The following PBX1 variants were observed in gnomAD, a reference collection of about 807,000 sequenced individuals.
The protein encoded by PBX1 is pre-B-cell leukemia transcription factor 1.
PBX1 carries 6 observed loss-of-function variants against 53.4 expected under a neutral mutation model. That is an observed-to-expected ratio of 0.11 (90% CI 0.06 to 0.22). The LOEUF (loss-of-function observed/expected upper bound fraction) is 0.22, where lower values mean the gene tolerates loss of function less well. Ranked by LOEUF, PBX1 falls within the 10% of genes least tolerant of loss-of-function variation. The pLI, the probability that PBX1 is intolerant of heterozygous loss-of-function variation, is 1.00. For synonymous variants in PBX1, 204 were observed against 212.3 expected, an observed-to-expected ratio of 0.96 and a Z score of 0.34; for missense variants, 251 against 551.4, an observed-to-expected ratio of 0.46 and a Z score of 5.46.
At chr1:164,858,139 C>T (rs767727540) in intron 2 of PBX1, among the ~76,000 whole-genome samples, 10 of 152,084 alleles carry the variant, frequency 6.6e-5, no homozygotes, top group Non-Finnish European at 1.2e-4. Flanking sequence ...CCAGCTCAAT[C>T]AGTGTGCTTG....
chr1:164,715,390 C>G (rs1286450543), intron 2 of PBX1, among the ~76,000 whole-genome samples: 1 of 152,068 alleles, frequency 6.6e-6, no homozygotes, highest in African/African-American at 2.4e-5. Context: ...GTTGGTTGTT[C>G]ATGAAGACCT....
intron 4 of PBX1, among the ~76,000 whole-genome samples, chr1:164,805,355 C>G (rs1242899902): frequency 6.6e-6 from 1 of 152,060 alleles, no homozygotes; most frequent in Admixed American, 6.5e-5. Flanking sequence ...AATCCTGATC[C>G]TAGGATTTCA....
intron 2 of PBX1, among the ~76,000 whole-genome samples, chr1:164,690,269 G>A (rs1370727525): frequency 6.8e-6 from 1 of 147,894 alleles, no homozygotes; most frequent in Admixed American, 6.7e-5. Flanking sequence ...AAAGAAAGCG[G>A]ATCAGACAGA....
intron 2 of PBX1, among the ~76,000 whole-genome samples, chr1:164,700,136 T>A (rs1383047213): frequency 6.6e-6 from 1 of 152,208 alleles, no homozygotes; most frequent in African/African-American, 2.4e-5. Flanking sequence ...GCATGCTGAT[T>A]TCCCTTTGTG....
chr1:164,701,151 CT>C (rs1663098207), intron 2 of PBX1, among the ~76,000 whole-genome samples: 1 of 151,958 alleles, frequency 6.6e-6, no homozygotes, highest in Non-Finnish European at 1.5e-5. Flanking sequence ...TTTTTTTCCC[CT>C]GCTAGGATAC....
At chr1:164,637,034 G>A (rs1658825539) in intron 2 of PBX1, among the ~76,000 whole-genome samples, 1 of 152,154 alleles carries the variant, frequency 6.6e-6, no homozygotes, top group South Asian at 2.1e-4. Context: ...GCCAACAGGA[G>A]TGCTCAGTAT....
intron 2 of PBX1, among the ~76,000 whole-genome samples, chr1:164,637,519 C>T (rs973149859): frequency 2.6e-5 from 4 of 152,068 alleles, no homozygotes; most frequent in Admixed American, 2.0e-4. Context: ...TTTTTATCGA[C>T]CAAAGGCAGG....
At chr1:164,622,270 A>T (rs1196896742) in intron 2 of PBX1, among the ~76,000 whole-genome samples, 1 of 148,952 alleles carries the variant, frequency 6.7e-6, no homozygotes, top group Non-Finnish European at 1.5e-5. Context: ...CAAGGAAGCC[A>T]CATTTCTCTC....
intron 2 of PBX1, among the ~76,000 whole-genome samples, chr1:164,788,386 GTTTT>G (rs59857388): frequency 7.1e-6 from 1 of 140,242 alleles, no homozygotes; most frequent in Admixed American, 7.2e-5. Context: ...TAATGTTGGT[GTTTT>G]TTTTTTTTTT....
chr1:164,673,493 C>T lies in PBX1; in HGVS notation c.265+110182C>T, dbSNP rs190023697. ...TTTTTTTTTTTTTTTTTTTTTGAGA[C>T]GGAATCTCGCACTGTTGCCTGGGCT... On this transcript the variant is annotated intron_variant, in intron 2 of 8. Coordinates refer to ENST00000420696, the MANE Select transcript of PBX1 (RefSeq NM_002585.4). Among the ~76,000 whole-genome samples the T allele has an allele frequency of 5.8e-4, 58 of 100,686 alleles. No individual in the cohort carries two copies. In the East Asian group the frequency reaches 0.015, roughly 27 times the overall value. 66.1% of individuals were successfully genotyped at this position (100,686 alleles called of 152,430 possible). A position where few individuals can be genotyped will look rare whatever the true frequency, so the allele number is the denominator to read the frequency against.
downstream of PBX1, among the ~76,000 whole-genome samples, chr1:164,854,860 G>A (rs1372980953): frequency 1.3e-5 from 2 of 151,140 alleles, no homozygotes; most frequent in Non-Finnish European, 2.9e-5. Context: ...AGGTTCTCCT[G>A]TACCCTCAGC....
chr1:164,682,605 A>AG (rs1455100263), intron 2 of PBX1: 1 of 152,196 alleles, frequency 6.6e-6, no homozygotes, highest in African/African-American at 2.4e-5. Context: ...TTAAAAAAAA[A>AG]AAAGAGAAAC....
chr1:164,604,066 A>G (rs1252606549), intron 2 of PBX1, among the ~76,000 whole-genome samples: 1 of 148,028 alleles, frequency 6.8e-6, no homozygotes, highest in Non-Finnish European at 1.5e-5. Context: ...TCAGCCTCCC[A>G]GGTAGCTGGG....
At chr1:164,782,024 C>T (rs1667957236) in intron 2 of PBX1, among the ~76,000 whole-genome samples, 1 of 152,188 alleles carries the variant, frequency 6.6e-6, no homozygotes, top group South Asian at 2.1e-4. Flanking sequence ...GCAAACAAAA[C>T]AAAACCCTCT....
intron 2 of PBX1, among the ~76,000 whole-genome samples, chr1:164,671,173 T>C (rs1661090921): frequency 6.8e-6 from 1 of 147,458 alleles, no homozygotes; most frequent in African/African-American, 2.6e-5. Flanking sequence ...TTTCAAGTGC[T>C]AAGATAGCCC....
downstream of PBX1, among the ~76,000 whole-genome samples, chr1:164,853,287 A>T (rs1218434418): frequency 2.6e-5 from 4 of 152,308 alleles, no homozygotes; most frequent in East Asian, 5.8e-4. Flanking sequence ...GGATTAGAAA[A>T]GTAGTCCCTG....
intron 2 of PBX1, among the ~76,000 whole-genome samples, chr1:164,715,994 T>C (rs1433126822): frequency 6.6e-6 from 1 of 152,170 alleles, no homozygotes; most frequent in Non-Finnish European, 1.5e-5. Context: ...CAGAGATTAT[T>C]TTAGTGGGGA....
At chr1:164,725,426 AG>A (rs1664647276) in intron 2 of PBX1, among the ~76,000 whole-genome samples, 1 of 152,116 alleles carries the variant, frequency 6.6e-6, no homozygotes, top group Admixed American at 6.5e-5. Context: ...TTAGGATTCA[AG>A]GGCCTCCCGT....
intron 2 of PBX1, among the ~76,000 whole-genome samples, chr1:164,738,326 C>T (rs988146778): frequency 6.6e-6 from 1 of 152,204 alleles, no homozygotes; most frequent in Non-Finnish European, 1.5e-5. Context: ...CAGGGTCTCT[C>T]AGGCTGGAGT....
Sources: allele counts gnomAD v4.1 joint callset (sites outside exome capture counted in the v4.1 genomes callset), GRCh38; gene constraint gnomAD v4.1.1; transcripts MANE v1.5; gene names NCBI Gene and HGNC (gene_info 2026-07-23, HGNC 2026-07-21).